Variants in DDX10 observed in about 807,000 individuals in gnomAD.
DDX10 encodes probable ATP-dependent RNA helicase DDX10.
A neutral mutation model predicts 104.3 loss-of-function variants in DDX10; 74 were observed. That is an observed-to-expected ratio of 0.71 (90% CI 0.59 to 0.86). The LOEUF (loss-of-function observed/expected upper bound fraction) is 0.86, where lower values mean the gene tolerates loss of function less well. Among genes scored for constraint, DDX10 ranks in the 40% least tolerant of loss-of-function variants. The probability of loss-of-function intolerance (pLI) is 0.00; values close to 1 mark genes in which losing one functional copy is unlikely to be tolerated. For missense variants in DDX10, 952 were observed against 1,040.0 expected (o/e 0.92, Z 1.16); for synonymous variants, 351 against 353.4 (o/e 0.99, Z 0.08).
At chr11:108,926,873 G>C (rs1863915633) in intron 17 of DDX10, among the ~76,000 whole-genome samples, 1 of 152,168 alleles carries the variant, frequency 6.6e-6, no homozygotes, top group Non-Finnish European at 1.5e-5. Flanking sequence ...TCATGTATTA[G>C]GTTTAAATTA....
intron 13 of DDX10, among the ~76,000 whole-genome samples, chr11:108,815,305 T>TA (rs1292272757): frequency 2.5e-4 from 38 of 152,222 alleles, no homozygotes; most frequent in African/African-American, 8.7e-4. Flanking sequence ...TCTTTTTTTT[T>TA]AAATTATCAA....
intron 13 of DDX10, among the ~76,000 whole-genome samples, chr11:108,795,940 C>G (rs1293244975): frequency 6.6e-6 from 1 of 152,138 alleles, no homozygotes; most frequent in African/African-American, 2.4e-5. Context: ...AATGGTCGAA[C>G]TAGTTTACAC....
At chr11:108,727,361 C>T (rs1482835328) in intron 13 of DDX10, among the ~76,000 whole-genome samples, 1 of 151,398 alleles carries the variant, frequency 6.6e-6, no homozygotes. Context: ...CATATTTTTC[C>T]CTGTTATGAT....
chr11:108,892,489 C>T (rs1863389639), intron 16 of DDX10, among the ~76,000 whole-genome samples: 2 of 152,114 alleles, frequency 1.3e-5, no homozygotes, highest in South Asian at 2.1e-4. Context: ...ATTTCATATC[C>T]TTTGCCATTA....
chr11:108,887,508 G>T (rs373382727), intron 16 of DDX10, among the ~76,000 whole-genome samples: 1 of 150,006 alleles, frequency 6.7e-6, no homozygotes, highest in South Asian at 2.1e-4. Flanking sequence ...GTTTGTTAAC[G>T]CTCTGAGCAG....
At chr11:108,925,234 G>T (rs1237629576) in intron 17 of DDX10, among the ~76,000 whole-genome samples, 1 of 152,170 alleles carries the variant, frequency 6.6e-6, no homozygotes, top group Non-Finnish European at 1.5e-5. Flanking sequence ...TATTTTCTGG[G>T]GTGAGGACTG....
chr11:108,779,071 C>A (rs1015216078), intron 13 of DDX10, among the ~76,000 whole-genome samples: 4 of 152,040 alleles, frequency 2.6e-5, no homozygotes, highest in Admixed American at 1.3e-4. Flanking sequence ...AAATAGGAAC[C>A]CTTTTACACT....
chr11:108,876,904 A>G (rs1241914772), intron 16 of DDX10, among the ~76,000 whole-genome samples: 2 of 152,158 alleles, frequency 1.3e-5, no homozygotes, highest in African/African-American at 4.8e-5. Flanking sequence ...TGCCACTACT[A>G]CTAGTAGTGT....
intron 13 of DDX10, among the ~76,000 whole-genome samples, chr11:108,795,402 T>C (rs932447116): frequency 2.0e-4 from 30 of 151,906 alleles, no homozygotes; most frequent in Non-Finnish European, 5.9e-5. Context: ...TATGTATATG[T>C]ACATATGTAT....
intron 17 of DDX10, among the ~76,000 whole-genome samples, chr11:108,932,429 G>A (rs1019879881): frequency 6.6e-6 from 1 of 151,756 alleles, no homozygotes; most frequent in Admixed American, 6.6e-5. Flanking sequence ...GGCCAGTTTG[G>A]GCAACATAGC....
chr11:108,726,810 G>A (rs1241253228), intron 13 of DDX10, among the ~76,000 whole-genome samples: 1 of 152,072 alleles, frequency 6.6e-6, no homozygotes, highest in Non-Finnish European at 1.5e-5. Flanking sequence ...TACATCTGAT[G>A]TTAGCTGTAA....
intron 12 of DDX10, among the ~76,000 whole-genome samples, chr11:108,721,166 C>T (rs545305110): frequency 2.6e-5 from 4 of 152,126 alleles, no homozygotes; most frequent in Non-Finnish European, 5.9e-5. Flanking sequence ...AGTGAGCTGT[C>T]GTTTTCTATT....
intron 9 of DDX10, among the ~76,000 whole-genome samples, chr11:108,703,206 A>G (rs949620770): frequency 8.5e-5 from 13 of 152,340 alleles, no homozygotes; most frequent in East Asian, 3.9e-4. Flanking sequence ...ACTATTCCAC[A>G]ATGTGTGTAT....
chr11:108,881,342 A>G (rs893683042), intron 16 of DDX10, among the ~76,000 whole-genome samples: 7 of 152,196 alleles, frequency 4.6e-5, no homozygotes, highest in African/African-American at 1.4e-4. Flanking sequence ...ATGAGTAAGC[A>G]CAGTGTGATC....
At chr11:108,692,360 G>C (rs2094253903) in intron 8 of DDX10, among the ~76,000 whole-genome samples, 2 of 152,144 alleles carry the variant, frequency 1.3e-5, no homozygotes, top group African/African-American at 4.8e-5. Flanking sequence ...CTTGTTTATA[G>C]ATACTGAACT....
intron 13 of DDX10, among the ~76,000 whole-genome samples, chr11:108,746,690 C>T (rs947381823): frequency 6.6e-6 from 1 of 152,042 alleles, no homozygotes. Flanking sequence ...TATGAGTGTT[C>T]CAATTCTTCC....
At chr11:108,800,977 A>G (rs1356162764) in intron 13 of DDX10, among the ~76,000 whole-genome samples, 1 of 152,180 alleles carries the variant, frequency 6.6e-6, no homozygotes, top group Non-Finnish European at 1.5e-5. Context: ...AAGTATTAAT[A>G]TATGCTTAAA....
At chr11:108,761,551 C>T (rs910561526) in intron 13 of DDX10, among the ~76,000 whole-genome samples, 2 of 152,046 alleles carry the variant, frequency 1.3e-5, no homozygotes, top group Non-Finnish European at 2.9e-5. Context: ...TTGTGTTGTC[C>T]TCAGTGATTA....
intron 13 of DDX10, among the ~76,000 whole-genome samples, chr11:108,832,346 C>T (rs943290483): frequency 4.6e-5 from 7 of 152,128 alleles, no homozygotes; most frequent in African/African-American, 7.2e-5. Flanking sequence ...AAATTAAAAA[C>T]TTCATCTTCA....
Sources: gnomAD v4.1 joint callset for allele counts (sites outside exome capture counted in the v4.1 genomes callset) on GRCh38, gnomAD v4.1.1 for gene constraint, MANE v1.5 for transcripts, NCBI Gene and HGNC (gene_info 2026-07-23, HGNC 2026-07-21) for gene names.